Variants in TARS1 observed in about 807,000 individuals in gnomAD.
TARS1 encodes threonyl-tRNA synthetase 1, also known as threonine--tRNA ligase 1, cytoplasmic.
Under a neutral mutation model 97.7 loss-of-function variants are expected in TARS1, and 57 were observed. The observed-to-expected ratio is 0.58, with a 90% confidence interval of 0.47 to 0.73. The LOEUF (loss-of-function observed/expected upper bound fraction) is 0.73. Ranked by LOEUF, TARS1 falls within the 30% of genes least tolerant of loss-of-function variation. TARS1 has a pLI of 0.00. For synonymous variants in TARS1, 312 were observed against 293.7 expected (o/e 1.06, Z -0.64); for missense variants, 806 against 888.3 (o/e 0.91, Z 1.18).
Position 33,441,105 on chromosome 5 carries a change from A to G in TARS1, c.19A>G (p.Ser7Gly). Residue 7 changes from serine (S) to glycine (G), a missense_variant, in exon 1 of 19, where the codon AGC becomes GGC. By Grantham distance (56) the Ser-to-Gly change is moderately conservative (BLOSUM62 0). Around this residue, in one of 3 missense-constraint regions of TARS1, gnomAD observed 356 missense variants for 357.8 expected, o/e 0.99. Coordinates refer to ENST00000265112, the MANE Select transcript of TARS1 (RefSeq NM_152295.5). ...TTCGCCAATGTTTGAGGAGAAGGCC[A>G]GCAGTCCTTCAGGGAAGATGGGAGG... MFEEKA[S>G]SPSGKMGGEE... 1 of 1,614,212 alleles carries G rather than the reference A, an allele frequency of 6.2e-7. No homozygotes were observed.
chr5:33,443,320 C>CCTCCCTCTCTCTCTCT (rs1741221675), intron 1 of TARS1, among the ~76,000 whole-genome samples: 24 of 118,516 alleles, frequency 2.0e-4, no homozygotes, highest in Non-Finnish European at 3.8e-4. Flanking sequence ...TCTCTCTCTC[C>CCTCCCTCTCTCTCTCT]CTCTCTCTCT....
chr5:33,449,358 T>TATATATATATATATATAG (rs59141272), intron 3 of TARS1, among the ~76,000 whole-genome samples: 51 of 146,472 alleles, frequency 3.5e-4, no homozygotes, highest in African/African-American at 1.2e-3. Context: ...TATATATATA[T>TATATATATATATATATAG]CTTAAACTGG....
chr5:33,451,039 G>A (rs111991770), intron 3 of TARS1, among the ~76,000 whole-genome samples: 9,995 of 152,202 alleles, frequency 0.066, 487 homozygotes, highest in East Asian at 0.22. Flanking sequence ...GCTTGAACTC[G>A]GGAGGTGGAG....
At chr5:33,462,883 C>T (rs527777860) in intron 16 of TARS1, among the ~76,000 whole-genome samples, 5 of 152,308 alleles carry the variant, frequency 3.3e-5, no homozygotes, top group African/African-American at 1.2e-4. Flanking sequence ...TAATCTTACA[C>T]ATTACTGTCA....
rs1257156397 is a variant in TARS1 at position 33,457,321 on chromosome 5, C to A, written c.902C>A (p.Ser301Ter). 1.2e-6 allele frequency: 2 copies of A among 1,613,990 alleles called. No individual in the cohort carries two copies. The highest frequency in any genetic ancestry group is 1.7e-6 in the Non-Finnish European group (2 of 1,180,010). ...ACTCTCCAGAGAATTTATGGCATTTCATTCCCAGATCCTAAAATGTTGAAA... is the reference window on the plus strand; with the variant it reads ...ACTCTCCAGAGAATTTATGGCATTTAATTCCCAGATCCTAAAATGTTGAAA... ...METLQRIYGISFPDPKMLKEW... is the reference protein window; with the variant it reads ...METLQRIYGI Residue 301 changes from serine to a stop codon, truncating the protein, a stop_gained, in exon 9 of 19, where the codon TCA becomes TAA. Coordinates refer to ENST00000265112, the MANE Select transcript of TARS1 (RefSeq NM_152295.5). LOFTEE classifies it high-confidence loss of function.
chr5:33,458,446 C>T (rs2111564090), intron 9 of TARS1, 120 bp from the exon 10 acceptor site: 2 of 704,172 alleles, frequency 2.8e-6, no homozygotes, highest in Non-Finnish European at 4.5e-6. Flanking sequence ...AGGAGTGGCA[C>T]TGATTGAAAT....
chr5:33,447,996 A>G (rs573966875), intron 2 of TARS1, among the ~76,000 whole-genome samples: 1 of 152,336 alleles, frequency 6.6e-6, no homozygotes, highest in African/African-American at 2.4e-5. Flanking sequence ...TATCTGCTAT[A>G]GAAAGTAGTA....
intron 2 of TARS1, chr5:33,446,875 T>C: frequency 3.4e-6 from 2 of 584,914 alleles, no homozygotes; most frequent in Non-Finnish European, 5.1e-6. Context: ...GAGCTTTTAG[T>C]TAATTCATGG....
chr5:33,446,883 T>C, intron 2 of TARS1: 1 of 525,124 alleles, frequency 1.9e-6, no homozygotes, highest in Non-Finnish European at 2.9e-6. Flanking sequence ...AGTTAATTCA[T>C]GGGTTCTTCA....
At chr5:33,443,320 C>CT (rs1741220535) in intron 1 of TARS1, among the ~76,000 whole-genome samples, 2,918 of 118,474 alleles carry the variant, frequency 0.025, 228 homozygotes, top group East Asian at 0.039. Flanking sequence ...TCTCTCTCTC[C>CT]CTCTCTCTCT....
intron 11 of TARS1, among the ~76,000 whole-genome samples, chr5:33,460,332 G>A (rs780049081): frequency 6.6e-6 from 1 of 152,202 alleles, no homozygotes; most frequent in Non-Finnish European, 1.5e-5. Flanking sequence ...GACCAAGGCA[G>A]ACTATAAAAC....
Position 33,455,064 on chromosome 5 carries a change from A to T in TARS1, c.573A>T (p.Glu191Asp). Residue 191 changes from glutamate (E) to aspartate (D), a missense_variant and splice_region_variant, in exon 5 of 19, where the codon GAA becomes GAT. By Grantham distance (45) the Glu-to-Asp change is conservative. Coordinates refer to ENST00000265112, the MANE Select transcript of TARS1 (RefSeq NM_152295.5). ...NGFYYDMYLE[E>D]GGVSSNDFSS... The stretch of plus-strand genomic sequence containing the variant: ...TCTATTATGACATGTACCTCGAAGA[A>T]GGGTAAGCCATCAACTAGATAAAGA... 6.2e-7 allele frequency: 1 copy of T among 1,613,440 alleles called. No individual in the cohort carries two copies. The highest frequency in any genetic ancestry group is 8.5e-7 in the Non-Finnish European group (1 of 1,179,682).
At position 33,459,678 on chromosome 5, in the gene TARS1, T is replaced by C. The variant is rs760025884; in HGVS notation, c.1084-17T>C. The C allele has an allele frequency of 1.2e-6, 2 of 1,613,332 alleles. No individual in the cohort carries two copies. Among genetic ancestry groups the C allele is most frequent in the Non-Finnish European group, 1.7e-6 (2 of 1,179,482 alleles). On this transcript the variant is annotated splice_polypyrimidine_tract_variant and intron_variant, in intron 10 of 18. Coordinates refer to ENST00000265112, the MANE Select transcript of TARS1 (RefSeq NM_152295.5). Reference sequence around the variant, plus strand: ...GCATTTATTTGCCTACACATGTTTCTGTTTATTTTCTATCAGAGCGAATAT... The same window carrying C: ...GCATTTATTTGCCTACACATGTTTCCGTTTATTTTCTATCAGAGCGAATAT...
At chr5:33,454,586 C>T (rs1052456891) in intron 4 of TARS1, among the ~76,000 whole-genome samples, 1 of 152,174 alleles carries the variant, frequency 6.6e-6, no homozygotes, top group African/African-American at 2.4e-5. Flanking sequence ...GTGCTGTGGG[C>T]ACATTGACTC....
intron 5 of TARS1, 66 bp downstream of exon 5, chr5:33,455,132 A>C: frequency 1.3e-6 from 2 of 1,583,558 alleles, no homozygotes. Context: ...TATTCTTAAG[A>C]GTTCTCAGTA....
intron 3 of TARS1, among the ~76,000 whole-genome samples, chr5:33,450,854 G>C (rs532102382): frequency 6.6e-6 from 1 of 152,308 alleles, no homozygotes; most frequent in East Asian, 1.9e-4. Flanking sequence ...TTGGCTCACA[G>C]CTGTAATCCC....
At chr5:33,443,667 T>C (rs1741263882) in intron 1 of TARS1, among the ~76,000 whole-genome samples, 1 of 152,002 alleles carries the variant, frequency 6.6e-6, no homozygotes, top group South Asian at 2.1e-4. Context: ...TAATTTTTTT[T>C]GTATTTTTTA....
At position 33,441,099 on chromosome 5, in the gene TARS1, A is replaced by G. The variant is rs1243707446; in HGVS notation, c.13A>G (p.Lys5Glu). 6.2e-7 allele frequency: 1 copy of G among 1,614,008 alleles called. No individual in the cohort carries two copies. The highest frequency in any genetic ancestry group is 1.3e-5 in the African/African-American group (1 of 74,912). The change falls in exon 1 of 19, where the codon AAG becomes GAG. Residue 5 changes from lysine (K) to glutamate (E), a missense_variant. By Grantham distance (56) the Lys-to-Glu change is moderately conservative. Around this residue, in one of 3 missense-constraint regions of TARS1, gnomAD observed 356 missense variants for 357.8 expected, o/e 0.99. Coordinates refer to ENST00000265112, the MANE Select transcript of TARS1 (RefSeq NM_152295.5). MFEE[K>E]ASSPSGKMGG... ...TCGTCGTTCGCCAATGTTTGAGGAG[A>G]AGGCCAGCAGTCCTTCAGGGAAGAT...
At chr5:33,447,299 T>G (rs1266131197) in intron 2 of TARS1, among the ~76,000 whole-genome samples, 1 of 152,220 alleles carries the variant, frequency 6.6e-6, no homozygotes, top group Non-Finnish European at 1.5e-5. Context: ...CAGGTTGGAG[T>G]GCAGTGGCCC....
Sources: allele counts gnomAD v4.1 joint callset (sites outside exome capture counted in the v4.1 genomes callset), GRCh38; gene constraint gnomAD v4.1.1; regional missense constraint gnomAD v4.1.1; transcripts MANE v1.5; gene names NCBI Gene and HGNC (gene_info 2026-07-23, HGNC 2026-07-21).